Variants in PDE10A observed in about 807,000 individuals in gnomAD.
The protein encoded by PDE10A is phosphodiesterase 10A, also known as cAMP and cAMP-inhibited cGMP 3',5'-cyclic phosphodiesterase 10A.
In PDE10A, 39 loss-of-function variants were observed where a neutral mutation model predicts 97.7. That is an observed-to-expected ratio of 0.40 (90% confidence interval 0.31 to 0.52). PDE10A has a LOEUF of 0.52. PDE10A is among the 20% of genes least tolerant of loss of function. The pLI is 0.56. For synonymous variants in PDE10A, 371 were observed against 376.8 expected (o/e 0.98, Z 0.18); for missense variants, 731 against 1,047.8 (o/e 0.70, Z 4.17).
chr6:165,588,944 A>T (rs2128382289), intron 1 of PDE10A, among the ~76,000 whole-genome samples: 1 of 152,362 alleles, frequency 6.6e-6, no homozygotes, highest in African/African-American at 2.4e-5. Context: ...ATAAATATTC[A>T]TAAAAGTCTC....
chr6:165,603,072 T>C (rs1402730657), intron 1 of PDE10A, among the ~76,000 whole-genome samples: 1 of 152,164 alleles, frequency 6.6e-6, no homozygotes, highest in Non-Finnish European at 1.5e-5. Context: ...TTTTAAAAAA[T>C]AGCAAAAGTA....
intron 1 of PDE10A, among the ~76,000 whole-genome samples, chr6:165,604,884 G>GT (rs1188082493): frequency 3.3e-5 from 5 of 152,194 alleles, no homozygotes; most frequent in African/African-American, 4.8e-5. Context: ...TTTCCACATT[G>GT]TTTGAGTTTT....
intron 1 of PDE10A, among the ~76,000 whole-genome samples, chr6:165,706,214 G>A (rs564843572): frequency 6.6e-6 from 1 of 152,278 alleles, no homozygotes; most frequent in South Asian, 2.1e-4. Flanking sequence ...TCTCAATGGG[G>A]CGACATGAAT....
At chr6:165,790,035 G>C (rs1217846427) in intron 1 of PDE10A, among the ~76,000 whole-genome samples, 1 of 152,168 alleles carries the variant, frequency 6.6e-6, no homozygotes, top group Non-Finnish European at 1.5e-5. Flanking sequence ...AAAGAGGAAG[G>C]CACGCTCTGA....
At chr6:165,345,474 T>C (rs1474409044) in intron 18 of PDE10A, among the ~76,000 whole-genome samples, 2 of 152,214 alleles carry the variant, frequency 1.3e-5, no homozygotes, top group African/African-American at 4.8e-5. Context: ...TATACAGAAA[T>C]ATTAATTGGG....
chr6:165,892,183 C>T (rs528712019), intron 1 of PDE10A, among the ~76,000 whole-genome samples: 1 of 152,238 alleles, frequency 6.6e-6, no homozygotes, highest in South Asian at 2.1e-4. Flanking sequence ...TTCTTGGTAC[C>T]GCTGGGATGT....
intron 14 of PDE10A, 54 bp downstream of exon 14, chr6:165,396,263 G>C (rs1433984318): frequency 3.3e-6 from 5 of 1,538,318 alleles, no homozygotes; most frequent in Non-Finnish European, 4.5e-6. Flanking sequence ...CTCACTTTAA[G>C]TTCAATTCAA....
At chr6:165,872,598 G>C (rs1406123657) in intron 1 of PDE10A, among the ~76,000 whole-genome samples, 3 of 152,306 alleles carry the variant, frequency 2.0e-5, no homozygotes, top group African/African-American at 7.2e-5. Context: ...GATTGCTTAG[G>C]GTGGGCAGAA....
At chr6:165,874,530 ATAT>A (rs1781283917) in intron 1 of PDE10A, among the ~76,000 whole-genome samples, 2 of 152,262 alleles carry the variant, frequency 1.3e-5, no homozygotes, top group Non-Finnish European at 2.9e-5. Context: ...TTTGTTTAAA[ATAT>A]TATCAAAAAT....
chr6:165,821,663 C>T (rs939413743), intron 1 of PDE10A, among the ~76,000 whole-genome samples: 6 of 152,084 alleles, frequency 3.9e-5, no homozygotes, highest in African/African-American at 1.4e-4. Flanking sequence ...GTATTACAGG[C>T]GTGCACCTAG....
intron 1 of PDE10A, among the ~76,000 whole-genome samples, chr6:165,600,719 A>G (rs1464832294): frequency 1.3e-5 from 2 of 152,158 alleles, no homozygotes; most frequent in Non-Finnish European, 2.9e-5. Flanking sequence ...TCACTCCCAC[A>G]GTATGTGTTG....
rs1789865974 is a variant in PDE10A, at chr6:165,655,011, A to G, written c.865+6936T>C. On this transcript the variant is annotated intron_variant, in intron 1 of 21. Transcript: ENST00000539869. This position sits in a 1 kb window ranked among gnomAD's most constrained non-coding sequence, Gnocchi z 4.5. Reference sequence around the variant, plus strand: ...GTCTCCATTCACGACTGTGGCTTCAACGACTACCTTGGTGTTGCAGAGTCC... The same window carrying G: ...GTCTCCATTCACGACTGTGGCTTCAGCGACTACCTTGGTGTTGCAGAGTCC... 6.6e-6 allele frequency among the ~76,000 whole-genome samples: 1 copy of G among 152,108 alleles called. No homozygotes were observed. Among genetic ancestry groups the G allele is most frequent in the Non-Finnish European group, 1.5e-5 (1 of 68,028 alleles).
At chr6:165,725,679 A>G (rs1162034018) in intron 1 of PDE10A, among the ~76,000 whole-genome samples, 1 of 151,984 alleles carries the variant, frequency 6.6e-6, no homozygotes, top group Non-Finnish European at 1.5e-5. Flanking sequence ...TGCCTTATGT[A>G]CTTACGAAAA....
chr6:165,455,292 G>A (rs1252702950), intron 3 of PDE10A, among the ~76,000 whole-genome samples: 9 of 152,048 alleles, frequency 5.9e-5, no homozygotes, highest in Admixed American at 5.9e-4. Flanking sequence ...TTAGCTCAAG[G>A]TTTGTCTCAA....
chr6:165,633,710 C>T (rs1438198327), intron 1 of PDE10A, among the ~76,000 whole-genome samples: 1 of 152,032 alleles, frequency 6.6e-6, no homozygotes, highest in Non-Finnish European at 1.5e-5. Flanking sequence ...TCACTGCAAC[C>T]TCTACCTCCC....
chr6:165,973,309 C>A (rs1279968943), intron 1 of PDE10A, among the ~76,000 whole-genome samples: 2 of 151,872 alleles, frequency 1.3e-5, no homozygotes, highest in African/African-American at 4.8e-5. Flanking sequence ...ATCCCAGCTA[C>A]TTGGGAGGCA....
At chr6:165,612,235 A>G (rs1385631479) in intron 1 of PDE10A, among the ~76,000 whole-genome samples, 1 of 152,216 alleles carries the variant, frequency 6.6e-6, no homozygotes, top group Non-Finnish European at 1.5e-5. Flanking sequence ...AAACTATGGC[A>G]ACCCTAGGGG....
At chr6:165,362,879 C>A (rs555047400) in intron 18 of PDE10A, among the ~76,000 whole-genome samples, 32 of 152,272 alleles carry the variant, frequency 2.1e-4, no homozygotes, top group African/African-American at 7.5e-4. Flanking sequence ...TACCTGATAT[C>A]TATCATAGGA....
chr6:165,753,444 C>T (rs2128456457), intron 1 of PDE10A, among the ~76,000 whole-genome samples: 1 of 152,318 alleles, frequency 6.6e-6, no homozygotes. Flanking sequence ...GCAGTGTTAT[C>T]ACAGTGGCCC....
Sources: allele counts gnomAD v4.1 joint callset (sites outside exome capture counted in the v4.1 genomes callset), GRCh38; gene constraint gnomAD v4.1.1; non-coding constraint Gnocchi (gnomAD v3.1); transcripts MANE v1.5; gene names NCBI Gene and HGNC (gene_info 2026-07-23, HGNC 2026-07-21).